COL4A6: variants seen among roughly 807,000 people sequenced by gnomAD.
COL4A6 encodes collagen type IV alpha 6 chain.
COL4A6 carries 59 observed loss-of-function variants against 126.7 expected under a neutral mutation model. The observed-to-expected ratio is 0.47, with a 90% CI of 0.38 to 0.58. The LOEUF (loss-of-function observed/expected upper bound fraction) is 0.58. Ranked by LOEUF, COL4A6 falls within the 20% of genes least tolerant of loss-of-function variation. The probability of loss-of-function intolerance (pLI) is 0.00; values close to 1 mark genes in which losing one functional copy is unlikely to be tolerated. For synonymous variants in COL4A6, 547 were observed against 496.6 expected (o/e 1.10, Z -1.35); for missense variants, 1,285 against 1,337.3 (o/e 0.96, Z 0.61).
chrX:108,158,398 C>T (rs1376919668), intron 44 of COL4A6, among the ~76,000 whole-genome samples: 2 of 112,539 alleles, frequency 1.8e-5, no homozygotes, highest in Non-Finnish European at 3.8e-5. Context: ...GAATAATATT[C>T]TAGTATGTTA....
Position 108,204,411 on chromosome X carries a change from C to T in COL4A6, c.689G>A (p.Gly230Glu). 2.5e-6 allele frequency: 3 copies of T among 1,198,814 alleles called. No individual in the cohort carries two copies. Among genetic ancestry groups the T allele is most frequent in the Non-Finnish European group, 3.4e-6 (3 of 886,181 alleles). ...LGFQGEKGVK[G>E]DVGLPGPAGP... is the part of the protein sequence containing the mutation. ...TGCTGGGCCAGGGAGGCCAACATCC[C>T]CCTGTAAGATCAAATGGAACATTAA... Residue 230 changes from glycine to glutamate, a missense_variant and splice_region_variant, in exon 12 of 45, where the codon GGG becomes GAG. Physicochemically the swap from Gly to Glu is moderately conservative, Grantham distance 98. Coordinates refer to ENST00000334504, the MANE Select transcript of COL4A6 (RefSeq NM_033641.4).
intron 2 of COL4A6, among the ~76,000 whole-genome samples, chrX:108,435,583 T>A (rs1296805340): frequency 1.8e-5 from 2 of 112,110 alleles, no homozygotes; most frequent in Non-Finnish European, 1.9e-5. Context: ...AGATTCTATT[T>A]TATGCAGATA....
intron 2 of COL4A6, among the ~76,000 whole-genome samples, chrX:108,336,639 A>G (rs986243159): frequency 2.7e-5 from 3 of 111,383 alleles, no homozygotes; most frequent in Admixed American, 1.9e-4. Flanking sequence ...TAAAATTTAT[A>G]TTATGTATAT....
intron 2 of COL4A6, among the ~76,000 whole-genome samples, chrX:108,369,339 T>A (rs2040272071): frequency 8.9e-6 from 1 of 111,869 alleles, no homozygotes; most frequent in Admixed American, 9.5e-5. Context: ...AACTAATAAA[T>A]GAATGAATAA....
intron 3 of COL4A6, among the ~76,000 whole-genome samples, chrX:108,272,641 G>A (rs2037484620): frequency 9.0e-6 from 1 of 110,558 alleles, no homozygotes. Context: ...TAAGCAGTAG[G>A]ATTCCCAGTC....
intron 2 of COL4A6, among the ~76,000 whole-genome samples, chrX:108,398,255 A>G (rs2041007151): frequency 8.9e-6 from 1 of 111,933 alleles, no homozygotes; most frequent in Non-Finnish European, 1.9e-5. Context: ...TACTTTTGCA[A>G]TTACTTCTGC....
chrX:108,231,187 TC>T (rs1349063599), intron 3 of COL4A6, among the ~76,000 whole-genome samples: 1 of 111,829 alleles, frequency 8.9e-6, no homozygotes, highest in Non-Finnish European at 1.9e-5. Context: ...TATCAGAGTC[TC>T]CCCCTCAACA....
chrX:108,192,839 T>C (rs1254246257), intron 17 of COL4A6, among the ~76,000 whole-genome samples: 1 of 112,780 alleles, frequency 8.9e-6, no homozygotes, highest in African/African-American at 3.2e-5. Context: ...GTACTTCTTC[T>C]TCTTCTACCA....
intron 2 of COL4A6, among the ~76,000 whole-genome samples, chrX:108,378,486 G>T (rs2040491639): frequency 8.9e-6 from 1 of 112,306 alleles, no homozygotes; most frequent in Non-Finnish European, 1.9e-5. Context: ...AAGGAAATTA[G>T]AGGAAATTTT....
At chrX:108,354,365 G>T (rs1366370174) in intron 2 of COL4A6, among the ~76,000 whole-genome samples, 3 of 111,389 alleles carry the variant, frequency 2.7e-5, no homozygotes, top group Non-Finnish European at 5.7e-5. Flanking sequence ...TTTCCATGGT[G>T]CTCAGTACAT....
At chrX:108,327,779 C>A (rs1406762842) in intron 2 of COL4A6, among the ~76,000 whole-genome samples, 2 of 109,500 alleles carry the variant, frequency 1.8e-5, no homozygotes, top group Non-Finnish European at 3.8e-5. Flanking sequence ...TTAAATTGTA[C>A]AATTTAAATA....
chrX:108,288,076 T>A (rs1330276282), intron 3 of COL4A6, among the ~76,000 whole-genome samples: 5 of 112,526 alleles, frequency 4.4e-5, no homozygotes, highest in African/African-American at 1.6e-4. Context: ...AAGTGGGAAC[T>A]TTTATATCAG....
intron 2 of COL4A6, among the ~76,000 whole-genome samples, chrX:108,350,901 C>T (rs368451128): frequency 1.8e-5 from 2 of 111,543 alleles, no homozygotes; most frequent in African/African-American, 6.5e-5. Context: ...CCGTCAAAAT[C>T]GAACCCTTTC....
chrX:108,221,174 G>A, intron 4 of COL4A6, 66 bp downstream of exon 4: 1 of 1,176,761 alleles, frequency 8.5e-7, no homozygotes, highest in Non-Finnish European at 1.2e-6. Context: ...AACTGGGATG[G>A]AGAACTTCTG....
At chrX:108,190,935 G>C (rs886068341) in intron 19 of COL4A6, among the ~76,000 whole-genome samples, 2 of 111,985 alleles carry the variant, frequency 1.8e-5, no homozygotes, top group African/African-American at 6.5e-5. Flanking sequence ...ACTCAAGTAG[G>C]AGATCTAAGA....
intron 2 of COL4A6, among the ~76,000 whole-genome samples, chrX:108,397,157 C>A (rs1391109950): frequency 9.0e-6 from 1 of 111,491 alleles, no homozygotes; most frequent in Non-Finnish European, 1.9e-5. Context: ...TCTTCAAGAT[C>A]CATTATAAAT....
chrX:108,175,228 A>G lies in COL4A6; in HGVS notation c.2831-13T>C. On this transcript the variant is annotated splice_polypyrimidine_tract_variant and intron_variant, in intron 29 of 44. Coordinates refer to ENST00000334504, the MANE Select transcript of COL4A6 (RefSeq NM_033641.4). ...TTGCCTCTGTCTCCTGCAGGGATGG[A>G]GATCAGCATGAGAAAGAGAGCTTAG... The G allele has an allele frequency of 1.7e-6, 2 of 1,161,441 alleles. No homozygotes were observed. The highest frequency in any genetic ancestry group is 2.3e-6 in the Non-Finnish European group (2 of 872,915).
chrX:108,214,060 G>A (rs190862902), intron 6 of COL4A6, 52 bp downstream of exon 6: 15 of 1,052,511 alleles, frequency 1.4e-5, no homozygotes, highest in African/African-American at 5.6e-5. Context: ...AAGGGCACAC[G>A]TAGAGACAAG....
At chrX:108,311,263 T>C (rs2038753614) in intron 2 of COL4A6, among the ~76,000 whole-genome samples, 1 of 111,990 alleles carries the variant, frequency 8.9e-6, no homozygotes, top group African/African-American at 3.2e-5. Context: ...ATGGCTACCT[T>C]GTACTCTGCT....
Sources: gnomAD v4.1 joint callset for allele counts (sites outside exome capture counted in the v4.1 genomes callset) on GRCh38, gnomAD v4.1.1 for gene constraint, MANE v1.5 for transcripts, NCBI Gene and HGNC (gene_info 2026-07-23, HGNC 2026-07-21) for gene names.